Variants in PHF24 observed in about 807,000 individuals in gnomAD.
PHF24 encodes the protein PHD finger protein 24, also known as Galpha inhibitory interacting protein.
PHF24 carries 25 observed loss-of-function variants against 42.6 expected under a neutral mutation model. The ratio of observed to expected loss-of-function variants is 0.59; its 90% confidence interval spans 0.43 to 0.82. The LOEUF (loss-of-function observed/expected upper bound fraction) is 0.82, where lower values mean the gene tolerates loss of function less well. PHF24 is among the 40% of genes least tolerant of loss of function. The probability of loss-of-function intolerance (pLI) is 0.00; values close to 1 mark genes in which losing one functional copy is unlikely to be tolerated. For missense variants in PHF24, 470 were observed against 538.1 expected (o/e 0.87, Z 1.25); for synonymous variants, 185 against 204.8 (o/e 0.90, Z 0.83).
the PHF24 span, chr9:34,726,164 G>A: frequency 2.4e-6 from 3 of 1,259,380 alleles, no homozygotes; most frequent in African/African-American, 4.5e-5. Context: ...TGAACACCAG[G>A]TCTGGAGGGA....
chr9:34,921,762 C>G, the PHF24 span, among the ~76,000 whole-genome samples: 3 of 152,106 alleles, frequency 2.0e-5, no homozygotes, highest in African/African-American at 4.8e-5. Context: ...TGTAAGTGCT[C>G]CAAACCTTAA....
At chr9:34,699,582 C>T in the PHF24 span, among the ~76,000 whole-genome samples, 7 of 152,146 alleles carry the variant, frequency 4.6e-5, no homozygotes, top group South Asian at 4.1e-4. Flanking sequence ...ATGACACAAT[C>T]GTATAGTGCA....
chr9:34,908,185 T>C, the PHF24 span, among the ~76,000 whole-genome samples: 1 of 152,190 alleles, frequency 6.6e-6, no homozygotes, highest in Non-Finnish European at 1.5e-5. Context: ...TCTTCTAGCT[T>C]ATGGAACTAA....
the PHF24 span, among the ~76,000 whole-genome samples, chr9:34,694,159 C>CTT: frequency 0.14 from 9,073 of 66,158 alleles, 1,643 homozygotes; most frequent in Non-Finnish European, 0.19. Context: ...TATCTCTATT[C>CTT]TTTTTTTTTT....
chr9:34,731,601 C>T, the PHF24 span, among the ~76,000 whole-genome samples: 3 of 152,172 alleles, frequency 2.0e-5, no homozygotes, highest in Non-Finnish European at 2.9e-5. Flanking sequence ...TTCTTCAGTT[C>T]CATTCATGTT....
the PHF24 span, chr9:34,893,285 C>G: frequency 9.8e-6 from 4 of 409,868 alleles, no homozygotes; most frequent in Non-Finnish European, 4.3e-6. Flanking sequence ...TTGTCTACCT[C>G]CCTGTTTTTC....
chr9:34,899,715 G>A, the PHF24 span, among the ~76,000 whole-genome samples: 1 of 152,150 alleles, frequency 6.6e-6, no homozygotes, highest in Non-Finnish European at 1.5e-5. Flanking sequence ...GGATTGTGGG[G>A]AGTAACAGTA....
the PHF24 span, among the ~76,000 whole-genome samples, chr9:34,719,418 G>A: frequency 6.6e-6 from 1 of 152,186 alleles, no homozygotes; most frequent in Non-Finnish European, 1.5e-5. Context: ...AAGATAGAAG[G>A]TGGGGTTGTG....
At chr9:34,720,417 A>T in the PHF24 span, among the ~76,000 whole-genome samples, 1 of 147,172 alleles carries the variant, frequency 6.8e-6, no homozygotes, top group Non-Finnish European at 1.5e-5. Context: ...TGCAGCCCGC[A>T]GTCCGGCCTG....
At chr9:34,718,074 C>T in the PHF24 span, among the ~76,000 whole-genome samples, 1 of 152,202 alleles carries the variant, frequency 6.6e-6, no homozygotes, top group Non-Finnish European at 1.5e-5. Context: ...GTACTATTTA[C>T]CGCAAGGAGG....
chr9:34,787,093 G>A, the PHF24 span, among the ~76,000 whole-genome samples: 1 of 152,222 alleles, frequency 6.6e-6, no homozygotes, highest in South Asian at 2.1e-4. Context: ...GGGCTGGAAG[G>A]AAGCAAAGGG....
At chr9:34,901,642 G>T in the PHF24 span, among the ~76,000 whole-genome samples, 2 of 152,138 alleles carry the variant, frequency 1.3e-5, no homozygotes, top group African/African-American at 4.8e-5. Context: ...CTGGCCAGGG[G>T]TGGTGGCTCA....
chr9:34,960,380 AT>A (rs944809090), intron 1 of PHF24, among the ~76,000 whole-genome samples: 1 of 152,040 alleles, frequency 6.6e-6, no homozygotes, highest in Non-Finnish European at 1.5e-5. Flanking sequence ...CAGTTGTTAG[AT>A]TTTTTTTCTT....
At chr9:34,919,544 T>C in the PHF24 span, among the ~76,000 whole-genome samples, 1 of 152,178 alleles carries the variant, frequency 6.6e-6, no homozygotes, top group East Asian at 1.9e-4. Flanking sequence ...CAAGCATTTA[T>C]CATTTCTTTG....
chr9:34,843,964 C>G, the PHF24 span, among the ~76,000 whole-genome samples: 2 of 152,084 alleles, frequency 1.3e-5, no homozygotes, highest in African/African-American at 4.8e-5. Context: ...ATTACTGTTT[C>G]AATCTCCATA....
chr9:34,668,112 T>C, the PHF24 span, among the ~76,000 whole-genome samples: 1 of 151,912 alleles, frequency 6.6e-6, no homozygotes. Context: ...GTCCCCAGAG[T>C]TGTTGGTATC....
chr9:34,832,370 G>C, the PHF24 span: 1 of 880,126 alleles, frequency 1.1e-6, no homozygotes, highest in Non-Finnish European at 1.8e-6. Flanking sequence ...GGTGGCCTGG[G>C]GTTGAGGCAG....
At chr9:34,862,619 T>C in the PHF24 span, among the ~76,000 whole-genome samples, 1 of 152,018 alleles carries the variant, frequency 6.6e-6, no homozygotes, top group Non-Finnish European at 1.5e-5. Flanking sequence ...TAAAGAACCT[T>C]TGGGCCTTGA....
At chr9:34,955,549 T>C (rs950504772), upstream of PHF24, among the ~76,000 whole-genome samples, 1 of 152,176 alleles carries the variant, frequency 6.6e-6, no homozygotes. Flanking sequence ...TGGTGGCACA[T>C]GCCTGTAATC....
Sources: allele counts gnomAD v4.1 joint callset (sites outside exome capture counted in the v4.1 genomes callset), GRCh38; gene constraint gnomAD v4.1.1; transcripts MANE v1.5; gene names NCBI Gene and HGNC (gene_info 2026-07-23, HGNC 2026-07-21).